Variants in B3GALT1 observed in about 807,000 individuals in gnomAD.
The protein encoded by B3GALT1 is UDP-Gal:betaGlcNAc beta 1,3-galactosyltransferase, polypeptide 1.
B3GALT1 carries 10 observed loss-of-function variants against 23.2 expected under a neutral mutation model. That is an observed-to-expected ratio of 0.43 (90% CI 0.27 to 0.73). The LOEUF (loss-of-function observed/expected upper bound fraction) is 0.73. Among genes scored for constraint, B3GALT1 ranks in the 30% least tolerant of loss-of-function variants. B3GALT1 has a pLI of 0.21. For missense variants in B3GALT1, 299 were observed against 405.4 expected, an observed-to-expected ratio of 0.74 and a Z score of 2.25; for synonymous variants, 156 against 141.5, an observed-to-expected ratio of 1.10 and a Z score of -0.73.
At chr2:167,563,458 G>C (rs536217878) in intron 2 of B3GALT1, among the ~76,000 whole-genome samples, 1 of 120,026 alleles carries the variant, frequency 8.3e-6, no homozygotes, top group Non-Finnish European at 1.7e-5. Context: ...CCAGGCAGAG[G>C]AGCTCCTCAC....
At chr2:167,863,986 A>G (rs1465327667) in intron 4 of B3GALT1, among the ~76,000 whole-genome samples, 1 of 132,206 alleles carries the variant, frequency 7.6e-6, no homozygotes, top group African/African-American at 3.0e-5. Context: ...GCATGCATGT[A>G]TGTATGTGTG....
At chr2:167,860,437 A>AT (rs1165530115) in intron 4 of B3GALT1, among the ~76,000 whole-genome samples, 1 of 151,366 alleles carries the variant, frequency 6.6e-6, no homozygotes, top group African/African-American at 2.4e-5. Context: ...TGTTGGGTTT[A>AT]TTTTTTTTCA....
intron 3 of B3GALT1, among the ~76,000 whole-genome samples, chr2:167,777,239 T>A (rs75907336): frequency 6.6e-6 from 1 of 152,232 alleles, no homozygotes; most frequent in Non-Finnish European, 1.5e-5. Context: ...ATATTTAATA[T>A]GAAAATGACA....
intron 1 of B3GALT1, 109 bp downstream of exon 1, chr2:167,293,443 C>G (rs970055088): frequency 2.6e-4 from 39 of 152,446 alleles, no homozygotes; most frequent in African/African-American, 8.9e-4. Context: ...GTGTTGGGAC[C>G]CGGACTGCGT....
At chr2:167,846,027 G>A (rs747125667) in intron 4 of B3GALT1, among the ~76,000 whole-genome samples, 10 of 152,002 alleles carry the variant, frequency 6.6e-5, no homozygotes, top group African/African-American at 9.7e-5. Context: ...CAAGGTCTTT[G>A]AATTAACCCA....
At chr2:167,477,766 T>G (rs767684606) in intron 1 of B3GALT1, among the ~76,000 whole-genome samples, 22 of 152,200 alleles carry the variant, frequency 1.4e-4, no homozygotes, top group Non-Finnish European at 3.1e-4. Context: ...GTGGAAACTG[T>G]TCAACATTTT....
At chr2:167,672,720 A>T (rs1686353430) in intron 3 of B3GALT1, among the ~76,000 whole-genome samples, 1 of 152,164 alleles carries the variant, frequency 6.6e-6, no homozygotes, top group Non-Finnish European at 1.5e-5. Context: ...AAGCACTCAG[A>T]AGAGTGCCTG....
In B3GALT1 at chr2:167,728,279, C is replaced by T. The variant is rs1489700958; in HGVS notation, c.-352+81313C>T. ...GGCACCACCTGTAATTTCAGCTACT[C>T]GGGAGGCTGAGGCAGGAGAATCATT... On this transcript the variant is annotated intron_variant, in intron 3 of 4. Transcript: ENST00000392690. Among the ~76,000 whole-genome samples, 5 of 152,188 alleles carry T rather than the reference C, an allele frequency of 3.3e-5. No homozygotes were observed. In the East Asian group the frequency reaches 5.8e-4, roughly 18 times the overall value.
At chr2:167,484,135 A>C (rs183757922) in intron 1 of B3GALT1, among the ~76,000 whole-genome samples, 97 of 152,288 alleles carry the variant, frequency 6.4e-4, no homozygotes, top group African/African-American at 2.2e-3. Flanking sequence ...AACTAATCTC[A>C]CATCTTTATA....
chr2:167,364,581 A>C (rs1248246839), intron 1 of B3GALT1, among the ~76,000 whole-genome samples: 1 of 152,068 alleles, frequency 6.6e-6, no homozygotes, highest in African/African-American at 2.4e-5. Flanking sequence ...GAGTGAGAAC[A>C]TGCGGTGTTT....
chr2:167,710,468 T>G (rs1687030670), intron 3 of B3GALT1, among the ~76,000 whole-genome samples: 1 of 152,158 alleles, frequency 6.6e-6, no homozygotes, highest in South Asian at 2.1e-4. Flanking sequence ...TACCCAAGGG[T>G]GGTGAAACTG....
chr2:167,346,336 G>A (rs1166446126), intron 1 of B3GALT1, among the ~76,000 whole-genome samples: 1 of 151,966 alleles, frequency 6.6e-6, no homozygotes, highest in Non-Finnish European at 1.5e-5. Flanking sequence ...TTATGTATTT[G>A]CATTTGCCTA....
chr2:167,491,384 C>T (rs927569108), intron 2 of B3GALT1, among the ~76,000 whole-genome samples: 1 of 151,842 alleles, frequency 6.6e-6, no homozygotes, highest in Non-Finnish European at 1.5e-5. Context: ...TAAAAGGCTG[C>T]AGTTACAGTT....
At chr2:167,304,648 GGAGAGA>G (rs144146057) in intron 1 of B3GALT1, among the ~76,000 whole-genome samples, 3 of 151,624 alleles carry the variant, frequency 2.0e-5, no homozygotes, top group Non-Finnish European at 2.9e-5. Context: ...GACAGAGAGA[GGAGAGA>G]GAGAGAGACA....
At chr2:167,428,902 T>C (rs1348944609) in intron 1 of B3GALT1, among the ~76,000 whole-genome samples, 1 of 152,126 alleles carries the variant, frequency 6.6e-6, no homozygotes, top group Non-Finnish European at 1.5e-5. Context: ...TCTAATTTAA[T>C]TAATAAATAT....
Position 167,482,521 on chromosome 2 carries a change from C to T in B3GALT1, c.-510-7656C>T, listed in dbSNP as rs1354627735. On this transcript the variant is annotated intron_variant, in intron 1 of 4. Coordinates refer to ENST00000392690, the MANE Select transcript of B3GALT1 (RefSeq NM_020981.4). ...CAGGCCATTGTTTCTCAAACTTCTA[C>T]AATATATACCGTGTCTTTAAGACAA... Among the ~76,000 whole-genome samples the T allele has an allele frequency of 2.0e-5, 3 of 152,260 alleles. No individual in the cohort carries two copies. The South Asian group carries it at 6.2e-4, about 32-fold the overall frequency.
At chr2:167,694,928 T>A (rs1157864763) in intron 3 of B3GALT1, among the ~76,000 whole-genome samples, 15 of 152,158 alleles carry the variant, frequency 9.9e-5, no homozygotes, top group Admixed American at 9.8e-4. Context: ...ATTTCTTTGC[T>A]TAGATAACTT....
chr2:167,433,085 A>C (rs1698729168), intron 1 of B3GALT1, among the ~76,000 whole-genome samples: 1 of 152,176 alleles, frequency 6.6e-6, no homozygotes, highest in Non-Finnish European at 1.5e-5. Flanking sequence ...TTGAATAGTC[A>C]TATTCATCCC....
intron 3 of B3GALT1, among the ~76,000 whole-genome samples, chr2:167,664,353 T>C (rs1049522419): frequency 6.6e-6 from 1 of 151,604 alleles, no homozygotes; most frequent in Non-Finnish European, 1.5e-5. Flanking sequence ...CATGCTGTTT[T>C]GGTTACTGTA....
Sources: allele counts gnomAD v4.1 joint callset (sites outside exome capture counted in the v4.1 genomes callset), GRCh38; gene constraint gnomAD v4.1.1; transcripts MANE v1.5; gene names NCBI Gene and HGNC (gene_info 2026-07-23, HGNC 2026-07-21).